Variants in ZCCHC7 observed in about 807,000 individuals in gnomAD.
The protein encoded by ZCCHC7 is zinc finger CCHC-type containing 7.
In ZCCHC7, 35 loss-of-function variants were observed where a neutral mutation model predicts 52.0. That is an observed-to-expected ratio of 0.67 (90% CI 0.51 to 0.89). ZCCHC7 has a LOEUF of 0.89. Among genes scored for constraint, ZCCHC7 ranks in the 40% least tolerant of loss-of-function variants. ZCCHC7 has a pLI of 0.00. For synonymous variants in ZCCHC7, 217 were observed against 221.5 expected, an observed-to-expected ratio of 0.98 and a Z score of 0.18; for missense variants, 574 against 649.1, an observed-to-expected ratio of 0.88 and a Z score of 1.26.
chr9:37,129,414 A>G (rs956298198), intron 2 of ZCCHC7, among the ~76,000 whole-genome samples: 2 of 152,226 alleles, frequency 1.3e-5, no homozygotes, highest in South Asian at 2.1e-4. Context: ...TATATTCTCC[A>G]TTTTATTTCC....
At chr9:37,148,862 A>G (rs1843560578) in intron 2 of ZCCHC7, among the ~76,000 whole-genome samples, 1 of 152,088 alleles carries the variant, frequency 6.6e-6, no homozygotes, top group Admixed American at 6.6e-5. Context: ...TTTTTTCAGG[A>G]GGTAAGGCAA....
intron 2 of ZCCHC7, among the ~76,000 whole-genome samples, chr9:37,219,762 GT>G (rs769972193): frequency 7.2e-5 from 11 of 152,220 alleles, no homozygotes; most frequent in Non-Finnish European, 1.5e-4. Context: ...TTTAAATTGT[GT>G]AAGTCTAAAA....
chr9:37,121,301 A>G (rs1011699267), intron 1 of ZCCHC7, among the ~76,000 whole-genome samples: 1 of 152,130 alleles, frequency 6.6e-6, no homozygotes. Context: ...CTCTTATTGA[A>G]GCTGAATTTA....
intron 8 of ZCCHC7, among the ~76,000 whole-genome samples, chr9:37,355,339 T>C (rs1250883722): frequency 1.3e-5 from 2 of 152,230 alleles, no homozygotes; most frequent in Non-Finnish European, 2.9e-5. Flanking sequence ...TAATATCTTA[T>C]CATTTAAGTT....
At chr9:37,120,337 A>G (rs1426075819), upstream of ZCCHC7, among the ~76,000 whole-genome samples, 1 of 152,210 alleles carries the variant, frequency 6.6e-6, no homozygotes, top group Non-Finnish European at 1.5e-5. Context: ...GATGCAGCCT[A>G]GGTAGCTTCA....
chr9:37,195,421 T>G (rs979740641), intron 2 of ZCCHC7, among the ~76,000 whole-genome samples: 5 of 152,204 alleles, frequency 3.3e-5, no homozygotes, highest in African/African-American at 1.2e-4. Context: ...TTTCTTCTCA[T>G]CTCCTTTAGA....
chr9:37,150,021 C>G (rs1299079094), intron 2 of ZCCHC7, among the ~76,000 whole-genome samples: 1 of 152,170 alleles, frequency 6.6e-6, no homozygotes, highest in Non-Finnish European at 1.5e-5. Flanking sequence ...TTTTCATCTC[C>G]TTTTCACAAG....
chr9:37,258,624 G>A (rs1478056817), intron 2 of ZCCHC7, among the ~76,000 whole-genome samples: 1 of 151,602 alleles, frequency 6.6e-6, no homozygotes, highest in African/African-American at 2.4e-5. Flanking sequence ...GGCACATGCC[G>A]GTAGTCCCAG....
chr9:37,211,803 C>T (rs563223765), intron 2 of ZCCHC7, among the ~76,000 whole-genome samples: 7 of 151,982 alleles, frequency 4.6e-5, no homozygotes, highest in East Asian at 1.9e-4. Flanking sequence ...CCAATGTGGG[C>T]GGATCACGAG....
chr9:37,222,278 A>C (rs1001732908), intron 2 of ZCCHC7, among the ~76,000 whole-genome samples: 1 of 151,508 alleles, frequency 6.6e-6, no homozygotes, highest in South Asian at 2.1e-4. Flanking sequence ...AGCTTATAAC[A>C]GTTAAGATAA....
At chr9:37,181,305 G>A (rs1325720506) in intron 2 of ZCCHC7, among the ~76,000 whole-genome samples, 2 of 152,078 alleles carry the variant, frequency 1.3e-5, no homozygotes, top group African/African-American at 4.8e-5. Flanking sequence ...TTTACCTAAG[G>A]AAGAAGGTAT....
intron 2 of ZCCHC7, among the ~76,000 whole-genome samples, chr9:37,249,840 G>A (rs1826241706): frequency 6.6e-6 from 1 of 152,118 alleles, no homozygotes; most frequent in Non-Finnish European, 1.5e-5. Context: ...TTGTTTCTCT[G>A]TAGGTCTCCT....
intron 2 of ZCCHC7, among the ~76,000 whole-genome samples, chr9:37,259,244 G>A (rs1441677565): frequency 1.3e-5 from 2 of 152,120 alleles, no homozygotes; most frequent in Non-Finnish European, 2.9e-5. Context: ...GAAAAACATG[G>A]TAGAGTTAAT....
chr9:37,339,180 G>C (rs933862357), intron 6 of ZCCHC7, among the ~76,000 whole-genome samples: 3 of 152,110 alleles, frequency 2.0e-5, no homozygotes, highest in Non-Finnish European at 4.4e-5. Flanking sequence ...AAAAATAAAA[G>C]CTTTAAAAAC....
intron 2 of ZCCHC7, among the ~76,000 whole-genome samples, chr9:37,134,373 G>C (rs62535706): frequency 0.12 from 18,496 of 152,026 alleles, 1,491 homozygotes; most frequent in Non-Finnish European, 0.16. Flanking sequence ...CTGTGAATTG[G>C]TAGTTAGATC....
intron 2 of ZCCHC7, among the ~76,000 whole-genome samples, chr9:37,263,040 A>G (rs1200566018): frequency 6.6e-6 from 1 of 152,208 alleles, no homozygotes; most frequent in African/African-American, 2.4e-5. Context: ...AAAAATGAGC[A>G]TCAGATTTTC....
At chr9:37,338,452 T>C (rs554283804) in intron 6 of ZCCHC7, among the ~76,000 whole-genome samples, 1 of 152,288 alleles carries the variant, frequency 6.6e-6, no homozygotes, top group African/African-American at 2.4e-5. Context: ...GACATAAGTA[T>C]ACAAACATAA....
chr9:37,271,816 C>G (rs569976018), intron 2 of ZCCHC7, among the ~76,000 whole-genome samples: 1 of 152,152 alleles, frequency 6.6e-6, no homozygotes, highest in Admixed American at 6.5e-5. Context: ...GTGATCTGCC[C>G]GCCTCAGCCT....
intron 2 of ZCCHC7, among the ~76,000 whole-genome samples, chr9:37,150,913 G>T (rs1286500303): frequency 1.3e-5 from 2 of 151,474 alleles, no homozygotes; most frequent in East Asian, 3.9e-4. Flanking sequence ...GTGAATCTCT[G>T]TAGCATTGGA....
Sources: allele counts gnomAD v4.1 joint callset (sites outside exome capture counted in the v4.1 genomes callset), GRCh38; gene constraint gnomAD v4.1.1; transcripts MANE v1.5; gene names NCBI Gene and HGNC (gene_info 2026-07-23, HGNC 2026-07-21).